The following MYLK3 variants were observed in gnomAD, a reference collection of about 807,000 sequenced individuals.
MYLK3 encodes the protein MLC kinase.
MYLK3 carries 55 observed loss-of-function variants against 76.3 expected under a neutral mutation model. That is an observed-to-expected ratio of 0.72 (90% CI 0.58 to 0.90). The LOEUF is 0.90. MYLK3 is among the 40% of genes least tolerant of loss of function. MYLK3 has a pLI of 0.00. For missense variants in MYLK3, 973 were observed against 1,053.6 expected (o/e 0.92, Z 1.06); for synonymous variants, 416 against 425.4 (o/e 0.98, Z 0.27).
At chr16:46,727,775 C>G (rs948124253) in intron 7 of MYLK3, among the ~76,000 whole-genome samples, 2 of 152,252 alleles carry the variant, frequency 1.3e-5, no homozygotes, top group African/African-American at 4.8e-5. Context: ...GATCCACCCA[C>G]CTCGGCCTCC....
intron 1 of MYLK3, among the ~76,000 whole-genome samples, chr16:46,745,765 G>A (rs1967011053): frequency 6.6e-6 from 1 of 151,914 alleles, no homozygotes; most frequent in African/African-American, 2.4e-5. Context: ...AAACAACAAA[G>A]CAGTTCTGGT....
chr16:46,708,258 AAC>A (rs2143012243), intron 12 of MYLK3, among the ~76,000 whole-genome samples: 1 of 152,290 alleles, frequency 6.6e-6, no homozygotes, highest in African/African-American at 2.4e-5. Flanking sequence ...AGCACCCTAG[AAC>A]AGTGTCTTAT....
At chr16:46,726,070 A>G (rs1426320660) in intron 8 of MYLK3, 1 of 152,086 alleles carries the variant, frequency 6.6e-6, no homozygotes, top group Non-Finnish European at 1.5e-5. Context: ...TCCCAGCACC[A>G]TTTGTTGAAT....
rs1288161298 is a variant in MYLK3, at chr16:46,704,610, T to C, written c.*3094A>G. 6.6e-6 allele frequency: 1 copy of C among 152,200 alleles called. No individual in the cohort carries two copies. The highest frequency in any genetic ancestry group is 1.5e-5 in the Non-Finnish European group (1 of 68,040). 9.4% of individuals were successfully genotyped at this position (152,200 alleles called of 1,614,324 possible). A position where few individuals can be genotyped will look rare whatever the true frequency, so the allele number is the denominator to read the frequency against. ...GTATCTCAATTTTATGTTGATTACA[T>C]ATTGAAATATTTTTGATACACTAAG... On this transcript the variant is annotated 3_prime_UTR_variant, in exon 13 of 13. Transcript: ENST00000394809.
chr16:46,731,803 C>T (rs59979850), intron 4 of MYLK3, among the ~76,000 whole-genome samples: 50,630 of 151,984 alleles, frequency 0.33, 10,696 homozygotes, highest in Non-Finnish European at 0.48. Flanking sequence ...AAGAAATCTC[C>T]CCAGTGGCCA....
intron 12 of MYLK3, 141 bp from the exon 13 acceptor site, chr16:46,707,904 TAA>T: frequency 1.9e-6 from 1 of 535,794 alleles, no homozygotes; most frequent in South Asian, 2.9e-5. Flanking sequence ...AACAAGTTTC[TAA>T]AATAATTATA....
intron 11 of MYLK3, among the ~76,000 whole-genome samples, chr16:46,710,307 A>G (rs1966669812): frequency 6.6e-6 from 1 of 152,240 alleles, no homozygotes; most frequent in African/African-American, 2.4e-5. Context: ...GAAACAAGGT[A>G]TTCAGATCTT....
Position 46,747,735 on chromosome 16 carries a change from T to C in MYLK3, c.459A>G (p.Pro153=). 6.2e-7 allele frequency: 1 copy of C among 1,613,816 alleles called. No individual in the cohort carries two copies. The highest frequency in any genetic ancestry group is 8.5e-7 in the Non-Finnish European group (1 of 1,179,930). The part of the protein sequence containing the change: ...QGRVPWRRGS[P]GDSPEENKER... The stretch of plus-strand genomic sequence containing the variant: ...AACCAACCTCCTCAGGGCTGTCACC[T>C]GGGCTGCCTCTCCTCCAGGGCACAC... The change falls in exon 1 of 13, where the codon CCA becomes CCG. Residue 153 remains proline (P), a synonymous_variant. Transcript: ENST00000394809.
intron 8 of MYLK3, among the ~76,000 whole-genome samples, chr16:46,722,644 T>A (rs1215657954): frequency 6.6e-6 from 1 of 151,474 alleles, no homozygotes; most frequent in Non-Finnish European, 1.5e-5. Context: ...AAGAAACAGG[T>A]GAACTTAAAT....
In MYLK3 at chr16:46,706,982, C is replaced by G. The variant is rs1328927401; in HGVS notation, c.*722G>C. The G allele has an allele frequency of 6.6e-6, 1 of 152,206 alleles. No homozygotes were observed. The highest frequency in any genetic ancestry group is 1.5e-5 in the Non-Finnish European group (1 of 68,044). 9.4% of individuals were successfully genotyped at this position (152,206 alleles called of 1,614,324 possible). A position where few individuals can be genotyped will look rare whatever the true frequency, so the allele number is the denominator to read the frequency against. On this transcript the variant is annotated 3_prime_UTR_variant, in exon 13 of 13. Coordinates refer to ENST00000394809, the MANE Select transcript of MYLK3 (RefSeq NM_182493.3). ...TTTCTCAGAAAGCGGAACCTCATTACATTCTTATCTCTTTCATAAATTGCC... is the reference window on the plus strand; with the variant it reads ...TTTCTCAGAAAGCGGAACCTCATTAGATTCTTATCTCTTTCATAAATTGCC...
At chr16:46,757,409 G>A (rs1967214362) in intron 1 of MYLK3, 1 of 985,324 alleles carries the variant, frequency 1.0e-6, no homozygotes. Context: ...CACTTGCCCA[G>A]AGCTGCCCTT....
intron 7 of MYLK3, 119 bp downstream of exon 7, chr16:46,728,905 A>C (rs899729671): frequency 1.4e-6 from 1 of 737,548 alleles, no homozygotes. Context: ...GGATGACACG[A>C]CCCTGGACGT....
At chr16:46,728,919 A>G (rs972489374) in intron 7 of MYLK3, 105 bp downstream of exon 7, 5 of 822,888 alleles carry the variant, frequency 6.1e-6, no homozygotes, top group Non-Finnish European at 1.0e-5. Flanking sequence ...TGGACGTGCC[A>G]GGAAGGGGAA....
intron 1 of MYLK3, among the ~76,000 whole-genome samples, chr16:46,741,952 T>A (rs1198453767): frequency 6.6e-6 from 1 of 152,068 alleles, no homozygotes; most frequent in African/African-American, 2.4e-5. Flanking sequence ...TGGTTGATGT[T>A]GTTTTATAGA....
chr16:46,750,140 C>T (rs1967103895), upstream of MYLK3, among the ~76,000 whole-genome samples: 1 of 152,228 alleles, frequency 6.6e-6, no homozygotes, highest in African/African-American at 2.4e-5. Context: ...GCAGGGGGCT[C>T]TCCTGACACT....
chr16:46,749,225 A>G (rs542082681), upstream of MYLK3, among the ~76,000 whole-genome samples: 3 of 152,362 alleles, frequency 2.0e-5, no homozygotes, highest in African/African-American at 4.8e-5. Flanking sequence ...GGAGCCCCTT[A>G]AAGTCCCAAG....
In MYLK3 at chr16:46,729,596, G is replaced by A. The variant is rs775796132; in HGVS notation, c.1660C>T (p.Arg554Trp). 33 of 1,613,380 alleles carry A rather than the reference G, an allele frequency of 2.0e-5. No homozygotes were observed. The African/African-American group carries it at 2.1e-4, about 10-fold the overall frequency. Residue 554 changes from arginine (R) to tryptophan (W), a missense_variant and splice_region_variant, in exon 6 of 13, where the codon CGG becomes TGG. By Grantham distance (101) the Arg-to-Trp change is moderately radical (BLOSUM62 -3). Coordinates refer to ENST00000394809, the MANE Select transcript of MYLK3 (RefSeq NM_182493.3). ...KIIKVKSAKD[R>W]EDVKNEINIM... is the part of the protein sequence containing the mutation. ...CCTGGCCCAGCCAGATGCCTCACCC[G>A]GTCCTTGGCGCTCTTCACTTTGATG...
In MYLK3 at chr16:46,732,356, G is replaced by T; in HGVS notation, c.1314C>A (p.His438Gln). The change falls in exon 4 of 13, where the codon CAC becomes CAA. Residue 438 changes from histidine (H) to glutamine (Q), a missense_variant. Transcript: ENST00000394809. The part of the protein sequence containing the change: ...PSLARSDDND[H>Q]EVGALGLQQG... Reference sequence around the variant, plus strand: ...GCTGCAGGCCCAGGGCCCCAACCTCGTGGTCATTGTCGTCACTCCTGGCCA... The same window carrying T: ...GCTGCAGGCCCAGGGCCCCAACCTCTTGGTCATTGTCGTCACTCCTGGCCA... The T allele has an allele frequency of 6.2e-7, 1 of 1,613,476 alleles. No homozygotes were observed.
rs762278874 is a variant in MYLK3, at chr16:46,729,627, G to A, written c.1629C>T (p.Ala543=). The A allele has an allele frequency of 4.5e-5, 72 of 1,613,622 alleles. No individual in the cohort carries two copies. The highest frequency in any genetic ancestry group is 6.0e-5 in the Non-Finnish European group (71 of 1,179,828). Residue 543 remains alanine, a synonymous_variant, in exon 6 of 13, where the codon GCC becomes GCT. Coordinates refer to ENST00000394809, the MANE Select transcript of MYLK3 (RefSeq NM_182493.3). ...TGGCGCTCTTCACTTTGATGATCTT[G>A]GCAGCCAGTGGGAGGCCTGTGGACT... ...TEKSTGLPLA[A]KIIKVKSAKD...
Sources: gnomAD v4.1 joint callset for allele counts (sites outside exome capture counted in the v4.1 genomes callset) on GRCh38, gnomAD v4.1.1 for gene constraint, MANE v1.5 for transcripts, NCBI Gene and HGNC (gene_info 2026-07-23, HGNC 2026-07-21) for gene names.